The following ZNF536 variants were observed in gnomAD, a reference collection of about 807,000 sequenced individuals.
The protein encoded by ZNF536 is zinc finger protein 536.
In ZNF536, 13 loss-of-function variants were observed where a neutral mutation model predicts 84.5. The observed-to-expected ratio is 0.15, with a 90% CI of 0.10 to 0.24. The LOEUF (loss-of-function observed/expected upper bound fraction) is 0.24, where lower values mean the gene tolerates loss of function less well. Ranked by LOEUF, ZNF536 falls within the 10% of genes least tolerant of loss-of-function variation. The probability of loss-of-function intolerance (pLI) is 1.00; values close to 1 mark genes in which losing one functional copy is unlikely to be tolerated. For missense variants in ZNF536, 1,536 were observed against 1,747.5 expected (o/e 0.88, Z 2.16); for synonymous variants, 811 against 742.5 (o/e 1.09, Z -1.50).
At chr19:30,682,108 C>T (rs993999750) in intron 1 of ZNF536, among the ~76,000 whole-genome samples, 10 of 152,198 alleles carry the variant, frequency 6.6e-5, no homozygotes, top group South Asian at 4.2e-4. Flanking sequence ...GAGGGGCTTG[C>T]GGACCACCAG....
intron 2 of ZNF536, among the ~76,000 whole-genome samples, chr19:30,505,361 AATG>A (rs2055129973): frequency 8.5e-6 from 1 of 117,402 alleles, no homozygotes; most frequent in African/African-American, 2.9e-5. Context: ...TATATATTAT[AATG>A]ATATATGAAT....
rs10554010 is a variant in ZNF536, at chr19:30,258,695, A to ATATTTATTTATT, written c.-189-25354_-189-25343dup. Reference sequence around the variant, plus strand: ...GTCATCAAAAATTTTTATTTTTTAAATATTTATTTATTTATTTATTTATTT... The same window carrying ATATTTATTTATT: ...GTCATCAAAAATTTTTATTTTTTAAATATTTATTTATTTATTTATTTATTTATTTATTTATTT... On this transcript the variant is annotated intron_variant, in intron 1 of 5. Transcript: ENST00000585628. 9.4e-4 allele frequency among the ~76,000 whole-genome samples: 138 copies of ATATTTATTTATT among 146,618 alleles called. 1 individual carries two copies. The highest frequency in any genetic ancestry group is 1.0e-3 in the Admixed American group (15 of 14,750).
downstream of ZNF536, among the ~76,000 whole-genome samples, chr19:30,558,656 G>A (rs2046052801): frequency 6.6e-6 from 1 of 152,168 alleles, no homozygotes; most frequent in Admixed American, 6.5e-5. Flanking sequence ...TGGGGAGAGA[G>A]GTGTGGGAAG....
intron 1 of ZNF536, among the ~76,000 whole-genome samples, chr19:30,666,145 C>T (rs2050309240): frequency 6.6e-6 from 1 of 152,216 alleles, no homozygotes; most frequent in Non-Finnish European, 1.5e-5. Context: ...ATGCCACAGA[C>T]ATGCGTGTGC....
At chr19:30,408,971 ATCATTCAT>A (rs886479010) in intron 1 of ZNF536, among the ~76,000 whole-genome samples, 6 of 149,692 alleles carry the variant, frequency 4.0e-5, no homozygotes, top group East Asian at 2.0e-4. Context: ...CCACAAATCC[ATCATTCAT>A]TCATTCATTC....
At chr19:30,395,022 G>A (rs929676424) in intron 1 of ZNF536, among the ~76,000 whole-genome samples, 15 of 152,156 alleles carry the variant, frequency 9.9e-5, no homozygotes, top group African/African-American at 3.6e-4. Context: ...TGTGTATTCA[G>A]GGTTTAGTGT....
At chr19:30,458,853 G>C (rs529916954) in intron 2 of ZNF536, among the ~76,000 whole-genome samples, 1 of 152,094 alleles carries the variant, frequency 6.6e-6, no homozygotes, top group African/African-American at 2.4e-5. Flanking sequence ...CTCATTTCCC[G>C]TGGGCCCCCC....
rs965134758 is a variant in ZNF536, at chr19:30,326,756, T to C, written c.-119-25612T>C. ...ATGGCCCTGGAAAGACACGCGATGA[T>C]TTTTTTTTAACTGGGAGATTTTTTT... is the stretch of plus-strand genomic sequence containing the variant. On this transcript the variant is annotated intron_variant, in intron 2 of 5. Coordinates refer to the ZNF536 transcript ENST00000585628. Among the ~76,000 whole-genome samples the C allele has an allele frequency of 6.0e-5, 9 of 150,402 alleles. No individual in the cohort carries two copies. In the East Asian group the frequency reaches 1.7e-3, roughly 29 times the overall value.
intron 1 of ZNF536, among the ~76,000 whole-genome samples, chr19:30,597,941 T>C (rs1343982470): frequency 6.6e-6 from 1 of 152,232 alleles, no homozygotes; most frequent in Admixed American, 6.5e-5. Flanking sequence ...GTTGTATGCA[T>C]ATAGTTATTG....
chr19:30,646,852 T>C (rs191271903), intron 1 of ZNF536, among the ~76,000 whole-genome samples: 1 of 152,154 alleles, frequency 6.6e-6, no homozygotes, highest in Non-Finnish European at 1.5e-5. Flanking sequence ...AGGCTATTGA[T>C]GTTGTATGTT....
chr19:30,375,999 A>G (rs2048804954), intron 1 of ZNF536, among the ~76,000 whole-genome samples: 1 of 152,148 alleles, frequency 6.6e-6, no homozygotes, highest in East Asian at 1.9e-4. Context: ...CCATGTGTAT[A>G]TCTGCATGGG....
At chr19:30,531,325 A>G (rs555834395) in intron 2 of ZNF536, among the ~76,000 whole-genome samples, 158 of 152,270 alleles carry the variant, frequency 1.0e-3, no homozygotes, top group Non-Finnish European at 2.0e-3. Context: ...AAAATGTTCC[A>G]CAGTGCAGGG....
At chr19:30,311,096 A>G (rs1010753263) in intron 2 of ZNF536, among the ~76,000 whole-genome samples, 3 of 152,158 alleles carry the variant, frequency 2.0e-5, no homozygotes, top group Admixed American at 6.5e-5. Context: ...TGTACAGGGC[A>G]TGGAGAGTGA....
rs561072892 is a variant in ZNF536, at chr19:30,551,196, G to T, written c.3895+1682G>T. Among the ~76,000 whole-genome samples, 5 of 151,280 alleles carry T rather than the reference G, an allele frequency of 3.3e-5. No individual in the cohort carries two copies. In the East Asian group the frequency reaches 9.8e-4, roughly 30 times the overall value. On this transcript the variant is annotated intron_variant, in intron 4 of 4. Transcript: ENST00000355537. ...CTACGTAGGACCATAGTCCCTGCCA[G>T]GAATCCATGCATCAGAAAAGATCAA...
chr19:30,555,650 T>G (rs2045939111), intron 4 of ZNF536: 1 of 152,172 alleles, frequency 6.6e-6, no homozygotes, highest in Non-Finnish European at 1.5e-5. Flanking sequence ...CTGCAGTCAA[T>G]TAGAGACTTG....
chr19:30,244,404 C>T (rs1238336909), intron 1 of ZNF536, among the ~76,000 whole-genome samples: 1 of 152,132 alleles, frequency 6.6e-6, no homozygotes, highest in Non-Finnish European at 1.5e-5. Context: ...CTTTGTTTTC[C>T]AGGGATCACA....
chr19:30,450,663 T>A (rs1027213483), intron 2 of ZNF536, among the ~76,000 whole-genome samples: 3 of 152,230 alleles, frequency 2.0e-5, no homozygotes, highest in South Asian at 2.1e-4. Context: ...AAAATCATTT[T>A]AAAAATGATA....
intron 1 of ZNF536, among the ~76,000 whole-genome samples, chr19:30,235,807 A>G (rs2023450574): frequency 6.6e-6 from 1 of 152,236 alleles, no homozygotes; most frequent in Non-Finnish European, 1.5e-5. Context: ...CTGCAATTAG[A>G]GCTAAAGTGC....
intron 1 of ZNF536, among the ~76,000 whole-genome samples, chr19:30,573,558 T>C (rs1444789097): frequency 6.6e-6 from 1 of 152,106 alleles, no homozygotes; most frequent in Admixed American, 6.6e-5. Context: ...GGAAACATGA[T>C]ACTATGAGAA....
Sources: gnomAD v4.1 joint callset for allele counts (sites outside exome capture counted in the v4.1 genomes callset) on GRCh38, gnomAD v4.1.1 for gene constraint, MANE v1.5 for transcripts, NCBI Gene and HGNC (gene_info 2026-07-23, HGNC 2026-07-21) for gene names.